Variants in SIPA1L3 observed in about 807,000 individuals in gnomAD.
SIPA1L3 encodes signal induced proliferation associated 1 like 3.
A neutral mutation model predicts 150.1 loss-of-function variants in SIPA1L3; 59 were observed. That is an observed-to-expected ratio of 0.39 (90% CI 0.32 to 0.49). The LOEUF (loss-of-function observed/expected upper bound fraction) is 0.49. SIPA1L3 is among the 20% of genes least tolerant of loss of function. The pLI, the probability that SIPA1L3 is intolerant of heterozygous loss-of-function variation, is 0.86. For missense variants in SIPA1L3, 2,211 were observed against 2,489.5 expected, an observed-to-expected ratio of 0.89 and a Z score of 2.38; for synonymous variants, 1,070 against 1,077.6, an observed-to-expected ratio of 0.99 and a Z score of 0.14.
intron 1 of SIPA1L3, among the ~76,000 whole-genome samples, chr19:37,979,471 T>G (rs563987368): frequency 1.4e-3 from 214 of 151,466 alleles, no homozygotes; most frequent in Non-Finnish European, 1.6e-4. Flanking sequence ...GCAGGAGAAT[T>G]GCTTGAGCCC....
intron 1 of SIPA1L3, among the ~76,000 whole-genome samples, chr19:37,970,838 C>T (rs537580768): frequency 4.9e-4 from 75 of 152,320 alleles, no homozygotes; most frequent in African/African-American, 1.8e-3. Flanking sequence ...ATAGTAGTGG[C>T]TTAAATGCGA....
intron 1 of SIPA1L3, among the ~76,000 whole-genome samples, chr19:37,987,094 A>C (rs528917632): frequency 6.6e-6 from 1 of 151,744 alleles, no homozygotes; most frequent in East Asian, 1.9e-4. Context: ...TGCCTGGCTA[A>C]TTTTCGAATT....
intron 1 of SIPA1L3, among the ~76,000 whole-genome samples, chr19:37,948,983 T>C (rs768830278): frequency 1.3e-5 from 2 of 152,046 alleles, no homozygotes; most frequent in Non-Finnish European, 2.9e-5. Context: ...CGGGGGAGAA[T>C]GGCAGGAGAT....
At chr19:38,118,498 A>G (rs1970940750) in intron 8 of SIPA1L3, among the ~76,000 whole-genome samples, 2 of 152,038 alleles carry the variant, frequency 1.3e-5, no homozygotes, top group East Asian at 3.9e-4. Flanking sequence ...ATGTCAGAGG[A>G]TGTTCAGACA....
chr19:37,955,404 A>AG (rs2046801774), intron 1 of SIPA1L3, among the ~76,000 whole-genome samples: 1 of 151,898 alleles, frequency 6.6e-6, no homozygotes, highest in East Asian at 1.9e-4. Flanking sequence ...AAAAAAAAAA[A>AG]AAGAGTATGC....
At chr19:38,077,960 T>G (rs1191369060) in intron 2 of SIPA1L3, among the ~76,000 whole-genome samples, 1 of 152,162 alleles carries the variant, frequency 6.6e-6, no homozygotes, top group East Asian at 1.9e-4. Context: ...CATGAGCCAC[T>G]GCGCCTGGCC....
At chr19:37,999,826 A>G (rs758167541) in intron 1 of SIPA1L3, among the ~76,000 whole-genome samples, 4 of 152,130 alleles carry the variant, frequency 2.6e-5, no homozygotes, top group Non-Finnish European at 5.9e-5. Flanking sequence ...GGCGATAGGG[A>G]CACTGGGAAC....
intron 2 of SIPA1L3, among the ~76,000 whole-genome samples, chr19:38,043,455 G>A (rs1487487303): frequency 6.6e-6 from 1 of 152,210 alleles, no homozygotes. Context: ...CCAAGCTGAT[G>A]TCTTGTTATC....
At chr19:38,085,615 T>A (rs903804937) in intron 3 of SIPA1L3, among the ~76,000 whole-genome samples, 1 of 152,160 alleles carries the variant, frequency 6.6e-6, no homozygotes, top group Non-Finnish European at 1.5e-5. Context: ...CCATTTCATG[T>A]TTCTTAAAGT....
chr19:38,097,371 A>T (rs1970403508), intron 4 of SIPA1L3, among the ~76,000 whole-genome samples: 1 of 152,176 alleles, frequency 6.6e-6, no homozygotes, highest in South Asian at 2.1e-4. Flanking sequence ...AGAATAAAAA[A>T]ATACAAACTG....
At chr19:37,966,408 G>A (rs1356808626) in intron 1 of SIPA1L3, among the ~76,000 whole-genome samples, 1 of 152,198 alleles carries the variant, frequency 6.6e-6, no homozygotes, top group Non-Finnish European at 1.5e-5. Flanking sequence ...TGTGTGGAGA[G>A]CTACTGGGCC....
chr19:38,118,544 T>TG (rs147844951), intron 8 of SIPA1L3, among the ~76,000 whole-genome samples: 1 of 90,578 alleles, frequency 1.1e-5, no homozygotes, highest in African/African-American at 7.6e-5. Context: ...GCCCTAACAC[T>TG]TTTTTTTTTG....
chr19:37,938,395 T>A (rs1408719159), intron 1 of SIPA1L3, among the ~76,000 whole-genome samples: 2 of 152,242 alleles, frequency 1.3e-5, no homozygotes, highest in Non-Finnish European at 2.9e-5. Context: ...ATTACTGAGC[T>A]GCTCTTTAAA....
At chr19:37,935,418 C>A (rs955827541) in intron 1 of SIPA1L3, among the ~76,000 whole-genome samples, 9 of 152,204 alleles carry the variant, frequency 5.9e-5, no homozygotes, top group Admixed American at 2.6e-4. Context: ...GTTCAGGAAA[C>A]TTGTACAGCG....
intron 15 of SIPA1L3, among the ~76,000 whole-genome samples, chr19:38,181,559 G>A (rs1378683581): frequency 6.6e-6 from 1 of 151,908 alleles, no homozygotes; most frequent in Non-Finnish European, 1.5e-5. Context: ...ATAGAAAAAG[G>A]TTGACCGGGT....
At chr19:38,009,294 A>G (rs1599898460) in intron 1 of SIPA1L3, among the ~76,000 whole-genome samples, 1 of 152,254 alleles carries the variant, frequency 6.6e-6, no homozygotes, top group African/African-American at 2.4e-5. Context: ...CTAGGATTAC[A>G]GGGATGAGCC....
rs973312813 is a variant in SIPA1L3, at chr19:38,069,728, G to A, written c.-310-11528G>A. 6.6e-5 allele frequency among the ~76,000 whole-genome samples: 10 copies of A among 151,726 alleles called. No individual in the cohort carries two copies. The East Asian group carries it at 1.7e-3, about 26-fold the overall frequency. ...CTCCCAGGCTGGAGTGCAGTGGTGC[G>A]ATCTCGGCTTACTGCAACCTCCACC... On this transcript the variant is annotated intron_variant, in intron 2 of 21. Transcript: ENST00000222345.
At chr19:37,942,319 T>A (rs1224645197) in intron 1 of SIPA1L3, among the ~76,000 whole-genome samples, 1 of 150,836 alleles carries the variant, frequency 6.6e-6, no homozygotes, top group African/African-American at 2.4e-5. Context: ...CGCCTGGAAG[T>A]AGAAGGGATT....
chr19:38,113,774 A>G (rs1223229003), intron 8 of SIPA1L3, among the ~76,000 whole-genome samples: 2 of 152,132 alleles, frequency 1.3e-5, no homozygotes, highest in Non-Finnish European at 2.9e-5. Context: ...CCTGGCCCAA[A>G]TGTTGCAGGC....
Sources: allele counts gnomAD v4.1 joint callset (sites outside exome capture counted in the v4.1 genomes callset), GRCh38; gene constraint gnomAD v4.1.1; transcripts MANE v1.5; gene names NCBI Gene and HGNC (gene_info 2026-07-23, HGNC 2026-07-21).